Variants in LRIG1 observed in about 807,000 individuals in gnomAD.
LRIG1 encodes the protein leucine-rich repeats and immunoglobulin-like domains protein 1.
Under a neutral mutation model 99.2 loss-of-function variants are expected in LRIG1, and 48 were observed. The ratio of observed to expected loss-of-function variants is 0.48; its 90% confidence interval spans 0.38 to 0.62. LRIG1 has a LOEUF of 0.62. Ranked by LOEUF, LRIG1 falls within the 20% of genes least tolerant of loss-of-function variation. The probability of loss-of-function intolerance (pLI) is 0.00; values close to 1 mark genes in which losing one functional copy is unlikely to be tolerated. For synonymous variants in LRIG1, 772 were observed against 596.1 expected (o/e 1.29, Z -4.30); for missense variants, 1,646 against 1,434.4 (o/e 1.15, Z -2.38).
intron 1 of LRIG1, among the ~76,000 whole-genome samples, chr3:66,490,172 A>C (rs1701070514): frequency 6.6e-6 from 1 of 152,202 alleles, no homozygotes; most frequent in Admixed American, 6.5e-5. Context: ...AACCACCCAA[A>C]GCAAAGAGTC....
intron 1 of LRIG1, among the ~76,000 whole-genome samples, chr3:66,465,480 C>A (rs1700453169): frequency 6.7e-6 from 1 of 149,264 alleles, no homozygotes; most frequent in South Asian, 2.1e-4. Context: ...TCTCCTACCT[C>A]AGCCTCCAGA....
At chr3:66,470,582 G>T (rs150723699) in intron 1 of LRIG1, among the ~76,000 whole-genome samples, 2 of 152,290 alleles carry the variant, frequency 1.3e-5, no homozygotes, top group East Asian at 3.9e-4. Flanking sequence ...CAACCCACCA[G>T]GCGGTTAAGT....
chr3:66,380,048 G>A lies in LRIG1; in HGVS notation c.*215C>T, dbSNP rs1305478694. 5 of 470,538 alleles carry A rather than the reference G, an allele frequency of 1.1e-5. No homozygotes were observed. Among genetic ancestry groups the A allele is most frequent in the South Asian group, 7.7e-5 (2 of 26,134 alleles). The allele number at this position is 470,538 out of a possible 1,614,324, so 29.1% of individuals were successfully genotyped here. A position where few individuals can be genotyped will look rare whatever the true frequency, so the allele number is the denominator to read the frequency against. ...ATATGAAATCTCTGAAAACTCTTAT[G>A]TACAATGATATCAAATACTTTTTTT... On this transcript the variant is annotated 3_prime_UTR_variant, in exon 19 of 19. Transcript: ENST00000273261.
chr3:66,456,036 G>C (rs1342089818), intron 2 of LRIG1, among the ~76,000 whole-genome samples: 1 of 152,222 alleles, frequency 6.6e-6, no homozygotes, highest in Non-Finnish European at 1.5e-5. Context: ...CACAGTTACA[G>C]AACAGGGATT....
At chr3:66,458,536 T>C (rs1054175060) in intron 2 of LRIG1, among the ~76,000 whole-genome samples, 5 of 151,754 alleles carry the variant, frequency 3.3e-5, no homozygotes, top group Admixed American at 2.6e-4. Flanking sequence ...ATCCCATCTC[T>C]ACTAAAAATA....
intron 9 of LRIG1, among the ~76,000 whole-genome samples, chr3:66,402,612 CCAT>C (rs1702102274): frequency 6.6e-6 from 1 of 152,178 alleles, no homozygotes; most frequent in Non-Finnish European, 1.5e-5. Flanking sequence ...CTCTACCTTC[CCAT>C]CCTAGGGCAG....
At chr3:66,399,292 A>T (rs1236293682) in intron 9 of LRIG1, among the ~76,000 whole-genome samples, 1 of 152,166 alleles carries the variant, frequency 6.6e-6, no homozygotes, top group Non-Finnish European at 1.5e-5. Flanking sequence ...CTGGAATTGC[A>T]TGTGCCGTCT....
chr3:66,410,514 G>A (rs1249217929), intron 6 of LRIG1, among the ~76,000 whole-genome samples: 1 of 152,220 alleles, frequency 6.6e-6, no homozygotes. Flanking sequence ...AGGGCAAGAG[G>A]GAGCTTCCTA....
intron 1 of LRIG1, among the ~76,000 whole-genome samples, chr3:66,489,525 A>G (rs1262728291): frequency 6.7e-6 from 1 of 150,272 alleles, no homozygotes; most frequent in Admixed American, 6.6e-5. Flanking sequence ...CTTTGTGTGT[A>G]TGTGTGTGTG....
intron 2 of LRIG1, among the ~76,000 whole-genome samples, chr3:66,460,443 C>T (rs1342087524): frequency 6.6e-6 from 1 of 152,134 alleles, no homozygotes; most frequent in Non-Finnish European, 1.5e-5. Flanking sequence ...GCTCTAACCC[C>T]TAGTACCTCA....
intron 3 of LRIG1, among the ~76,000 whole-genome samples, chr3:66,430,193 A>AACAAC (rs1559795417): frequency 7.9e-6 from 1 of 127,148 alleles, no homozygotes; most frequent in Admixed American, 7.6e-5. Flanking sequence ...ACAACAACAA[A>AACAAC]AAAAAAACAC....
intron 8 of LRIG1, among the ~76,000 whole-genome samples, 189 bp downstream of exon 8, chr3:66,407,159 T>G (rs562666115): frequency 9.3e-4 from 141 of 152,280 alleles, no homozygotes; most frequent in African/African-American, 2.5e-3. Context: ...ATGAGAGATT[T>G]TTCTGCTTAA....
intron 9 of LRIG1, among the ~76,000 whole-genome samples, chr3:66,403,506 A>T (rs1035625624): frequency 6.6e-6 from 1 of 152,100 alleles, no homozygotes; most frequent in Admixed American, 6.5e-5. Context: ...AGCTCACTAC[A>T]AACAACATTA....
intron 1 of LRIG1, among the ~76,000 whole-genome samples, chr3:66,474,494 C>T (rs190348830): frequency 4.6e-3 from 695 of 152,176 alleles, no homozygotes; most frequent in Non-Finnish European, 7.1e-3. Context: ...TACAGGCGCC[C>T]GCCACTGCAC....
intron 15 of LRIG1, among the ~76,000 whole-genome samples, chr3:66,382,620 C>G (rs1376713753): frequency 2.7e-5 from 4 of 146,944 alleles, no homozygotes; most frequent in South Asian, 2.1e-4. Flanking sequence ...CCAGACGCCA[C>G]AAGAAGTGGA....
At chr3:66,440,463 G>C (rs1418786071) in intron 3 of LRIG1, among the ~76,000 whole-genome samples, 2 of 152,196 alleles carry the variant, frequency 1.3e-5, no homozygotes, top group African/African-American at 4.8e-5. Context: ...GGAATGAACA[G>C]ATACATATAC....
intron 7 of LRIG1, among the ~76,000 whole-genome samples, chr3:66,408,041 C>G (rs978645210): frequency 6.6e-6 from 1 of 152,198 alleles, no homozygotes; most frequent in Non-Finnish European, 1.5e-5. Flanking sequence ...GGCCTCCCTG[C>G]CCCCATCCAC....
chr3:66,418,843 C>T (rs111973506), intron 3 of LRIG1, among the ~76,000 whole-genome samples: 1 of 151,984 alleles, frequency 6.6e-6, no homozygotes, highest in African/African-American at 2.4e-5. Flanking sequence ...GCCCTGAACT[C>T]GAAAGTCCAT....
At chr3:66,485,484 T>C (rs1057389017) in intron 1 of LRIG1, among the ~76,000 whole-genome samples, 2 of 152,206 alleles carry the variant, frequency 1.3e-5, no homozygotes, top group Non-Finnish European at 2.9e-5. Flanking sequence ...GGCTGGACCA[T>C]GACTCGCCCA....
Sources: allele counts gnomAD v4.1 joint callset (sites outside exome capture counted in the v4.1 genomes callset), GRCh38; gene constraint gnomAD v4.1.1; transcripts MANE v1.5; gene names NCBI Gene and HGNC (gene_info 2026-07-23, HGNC 2026-07-21).